Variants in SUN1 observed in about 807,000 individuals in gnomAD.
The protein encoded by SUN1 is Sad1 and UNC84 domain containing 1, also known as SUN domain-containing protein 1.
In SUN1, 61 loss-of-function variants were observed where a neutral mutation model predicts 103.2. The observed-to-expected ratio is 0.59, with a 90% CI of 0.48 to 0.73. The LOEUF is 0.73. SUN1 is among the 30% of genes least tolerant of loss of function. The probability of loss-of-function intolerance (pLI) is 0.00; values close to 1 mark genes in which losing one functional copy is unlikely to be tolerated. For missense variants in SUN1, 1,052 were observed against 1,034.6 expected (o/e 1.02, Z -0.23); for synonymous variants, 490 against 425.7 (o/e 1.15, Z -1.86).
At chr7:815,737 C>A (rs1332506886), upstream of SUN1, among the ~76,000 whole-genome samples, 14 of 152,270 alleles carry the variant, frequency 9.2e-5, no homozygotes, top group African/African-American at 3.4e-4. Context: ...CCGGCGTTTC[C>A]ATCAGCAGGG....
At chr7:844,887 A>C (rs533504690) in intron 5 of SUN1, among the ~76,000 whole-genome samples, 6 of 152,274 alleles carry the variant, frequency 3.9e-5, no homozygotes, top group African/African-American at 1.4e-4. Context: ...ACCTGCCTCC[A>C]TGAGCACTTG....
intron 18 of SUN1, 38 bp from the exon 19 acceptor site, chr7:873,177 T>C (rs770705649): frequency 1.5e-5 from 24 of 1,581,242 alleles, no homozygotes; most frequent in East Asian, 4.5e-5. Context: ...GTTATTAATA[T>C]GAAATACATG....
intron 17 of SUN1, among the ~76,000 whole-genome samples, chr7:870,471 A>G (rs1035009794): frequency 1.3e-5 from 2 of 151,820 alleles, no homozygotes; most frequent in Non-Finnish European, 2.9e-5. Flanking sequence ...CTGTCATCCC[A>G]GCTATTCGGG....
intron 17 of SUN1, among the ~76,000 whole-genome samples, chr7:869,718 C>T (rs1485692308): frequency 6.6e-6 from 1 of 152,152 alleles, no homozygotes. Context: ...GTCCATTTTA[C>T]ATACAGTACT....
At chr7:838,723 T>G in intron 1 of SUN1, 75 bp from the exon 2 acceptor site, 1 of 1,381,394 alleles carries the variant, frequency 7.2e-7, no homozygotes. Context: ...GCACTTTCAG[T>G]TTATGGTTTG....
intron 17 of SUN1, 115 bp from the exon 18 acceptor site, chr7:872,355 C>T: frequency 2.5e-6 from 2 of 797,568 alleles, no homozygotes; most frequent in South Asian, 3.4e-5. Context: ...CCTTCTCTTA[C>T]TGATGTGGAG....
intron 1 of SUN1, among the ~76,000 whole-genome samples, chr7:837,885 C>G (rs144093270): frequency 6.6e-6 from 1 of 152,350 alleles, no homozygotes; most frequent in African/African-American, 2.4e-5. Flanking sequence ...CTGCTAGAAA[C>G]AAACCCTTCT....
intron 16 of SUN1, among the ~76,000 whole-genome samples, chr7:868,219 C>T: frequency 6.6e-6 from 1 of 152,252 alleles, no homozygotes; most frequent in Middle Eastern, 3.2e-3. Context: ...CTCCGTTGCG[C>T]ACAGCAACGT....
At chr7:833,851 A>G (rs947647377) in intron 1 of SUN1, among the ~76,000 whole-genome samples, 2 of 152,090 alleles carry the variant, frequency 1.3e-5, no homozygotes, top group South Asian at 2.1e-4. Flanking sequence ...CTTCCTTCAG[A>G]CCGTGCAGCA....
rs770512687 is a variant in SUN1 at position 865,989 on chromosome 7, C to G, written c.1902C>G (p.Tyr634Ter). Residue 634 changes from tyrosine to a stop codon, truncating the protein, a stop_gained, in exon 16 of 19, where the codon TAC becomes TAG. Transcript: ENST00000401592. LOFTEE classifies it high-confidence loss of function. The stretch of plus-strand genomic sequence containing the variant: ...TGAGTACTCGCTGTTCTGAAACTTA[C>G]GAAACCAAAACGGCGCTGATGAGTC... ...SILSTRCSET[Y>*]ETKTALMSLF... 1.2e-6 allele frequency: 2 copies of G among 1,614,120 alleles called. No individual in the cohort carries two copies. The highest frequency in any genetic ancestry group is 1.7e-6 in the Non-Finnish European group (2 of 1,180,006).
chr7:852,342 T>C (rs1460170903), intron 7 of SUN1: 12 of 600,446 alleles, frequency 2.0e-5, no homozygotes, highest in Non-Finnish European at 2.9e-5. Context: ...ATCAGTCACC[T>C]CAGAAGGCTG....
chr7:826,232 AATAC>A (rs1411907716), intron 1 of SUN1, among the ~76,000 whole-genome samples: 2 of 150,612 alleles, frequency 1.3e-5, no homozygotes, highest in South Asian at 2.1e-4. Flanking sequence ...TGTCTCTTAA[AATAC>A]ATACATAAGA....
chr7:828,763 C>T (rs1241851577), upstream of SUN1, among the ~76,000 whole-genome samples: 3 of 152,190 alleles, frequency 2.0e-5, no homozygotes, highest in African/African-American at 7.2e-5. Flanking sequence ...GAGGTGTGTG[C>T]TTCTCTAGTG....
intron 13 of SUN1, among the ~76,000 whole-genome samples, chr7:859,097 G>C (rs907744752): frequency 6.6e-6 from 1 of 150,480 alleles, no homozygotes; most frequent in Non-Finnish European, 1.5e-5. Context: ...AGGTTGCAGC[G>C]AGCCAAGATC....
rs1207672818 is a variant in SUN1, at chr7:874,832, TCTG to T, written c.*1509_*1511del. The T allele has an allele frequency of 2.6e-5, 4 of 152,276 alleles. No individual in the cohort carries two copies. Among genetic ancestry groups the T allele is most frequent in the Non-Finnish European group, 4.4e-5 (3 of 68,050 alleles). 9.4% of individuals were successfully genotyped at this position (152,276 alleles called of 1,614,324 possible). On this transcript the variant is annotated 3_prime_UTR_variant, in exon 19 of 19. Coordinates refer to ENST00000401592, the MANE Select transcript of SUN1 (RefSeq NM_001130965.3). ...CAAAATATCTGTCTTTGGTAGTGCT[TCTG>T]CTGCTGCCACCAAATTGATAAGATG...
chr7:858,563 G>A (rs879547144), intron 13 of SUN1, among the ~76,000 whole-genome samples: 8 of 152,210 alleles, frequency 5.3e-5, no homozygotes, highest in Admixed American at 2.6e-4. Flanking sequence ...GCACTGACTT[G>A]GGGCTGGGTT....
upstream of SUN1, chr7:832,228 G>A: frequency 1.5e-6 from 1 of 674,024 alleles, no homozygotes; most frequent in Non-Finnish European, 2.1e-6. Flanking sequence ...CTTGGAAGGT[G>A]CCCCTGGTTT....
intron 5 of SUN1, among the ~76,000 whole-genome samples, chr7:844,661 C>T (rs1244614650): frequency 6.6e-6 from 1 of 152,222 alleles, no homozygotes; most frequent in Non-Finnish European, 1.5e-5. Context: ...CGTGGGTTCC[C>T]CTCACAGCAC....
upstream of SUN1, among the ~76,000 whole-genome samples, chr7:829,426 G>T (rs1795839460): frequency 6.6e-6 from 1 of 152,212 alleles, no homozygotes; most frequent in African/African-American, 2.4e-5. Context: ...AAGGGCTGGG[G>T]GCTCCCGCCT....
Sources: allele counts gnomAD v4.1 joint callset (sites outside exome capture counted in the v4.1 genomes callset), GRCh38; gene constraint gnomAD v4.1.1; transcripts MANE v1.5; gene names NCBI Gene and HGNC (gene_info 2026-07-23, HGNC 2026-07-21).